COL14A1: variants seen among roughly 807,000 people sequenced by gnomAD.
The protein encoded by COL14A1 is collagen type XIV alpha 1 chain.
In COL14A1, 136 loss-of-function variants were observed where a neutral mutation model predicts 230.3. The observed-to-expected ratio is 0.59, with a 90% confidence interval of 0.51 to 0.68. COL14A1 has a LOEUF of 0.68. COL14A1 is among the 30% of genes least tolerant of loss of function. The pLI is 0.00. For missense variants in COL14A1, 1,976 were observed against 2,215.8 expected (o/e 0.89, Z 2.17); for synonymous variants, 792 against 784.1 (o/e 1.01, Z -0.17).
At chr8:120,236,554 G>C (rs1051037234) in intron 19 of COL14A1, among the ~76,000 whole-genome samples, 1 of 151,926 alleles carries the variant, frequency 6.6e-6, no homozygotes, top group Non-Finnish European at 1.5e-5. Flanking sequence ...CACACCAGTG[G>C]GTCTTGACTT....
rs148268396 is a variant in COL14A1 at position 120,162,713 on chromosome 8, C to T, written c.349+144C>T. Reference sequence around the variant, plus strand: ...AGAAGACCTTCAGTCTTACCTTCAACGAATTCCTCTGATCTCTAATACTTT... The same window carrying T: ...AGAAGACCTTCAGTCTTACCTTCAATGAATTCCTCTGATCTCTAATACTTT... On this transcript the variant is annotated intron_variant, in intron 4 of 47. Transcript: ENST00000297848. 423 of 606,922 alleles carry T rather than the reference C, an allele frequency of 7.0e-4. 5 individuals are homozygous for T. In the African/African-American group the frequency reaches 7.0e-3, roughly 10 times the overall value. The allele number at this position is 606,922 out of a possible 1,614,324, so 37.6% of individuals were successfully genotyped here.
chr8:120,340,775 T>C (rs980114984), intron 42 of COL14A1, among the ~76,000 whole-genome samples: 3 of 152,150 alleles, frequency 2.0e-5, no homozygotes, highest in Admixed American at 1.3e-4. Flanking sequence ...AGCTCCCATA[T>C]TGGGGAGAAT....
At chr8:120,239,851 G>T (rs1349644984) in intron 19 of COL14A1, among the ~76,000 whole-genome samples, 20 of 110,242 alleles carry the variant, frequency 1.8e-4, no homozygotes, top group African/African-American at 7.5e-4. Flanking sequence ...TTGTTTGTTT[G>T]CTTTTTGTTT....
chr8:120,242,699 C>T (rs1365364359), intron 19 of COL14A1, among the ~76,000 whole-genome samples: 4 of 152,144 alleles, frequency 2.6e-5, no homozygotes, highest in Non-Finnish European at 5.9e-5. Context: ...CAATTCAGAC[C>T]TGTACATTTC....
intron 1 of COL14A1, among the ~76,000 whole-genome samples, chr8:120,125,866 C>A (rs1442746941): frequency 6.6e-6 from 1 of 152,146 alleles, no homozygotes; most frequent in Admixed American, 6.5e-5. Context: ...GTTGGCTCTG[C>A]TACAGATTTG....
intron 18 of COL14A1, among the ~76,000 whole-genome samples, chr8:120,230,090 C>T (rs1818222664): frequency 6.6e-6 from 1 of 152,116 alleles, no homozygotes; most frequent in Non-Finnish European, 1.5e-5. Flanking sequence ...CCATATTACC[C>T]AGGCTGGTCT....
chr8:120,146,735 C>T (rs1815100537), intron 1 of COL14A1, among the ~76,000 whole-genome samples: 1 of 152,004 alleles, frequency 6.6e-6, no homozygotes, highest in African/African-American at 2.4e-5. Context: ...AAATTTGGCA[C>T]CGTTATCTGA....
At chr8:120,274,520 AAAG>A (rs1288529758) in intron 26 of COL14A1, among the ~76,000 whole-genome samples, 6 of 151,892 alleles carry the variant, frequency 4.0e-5, no homozygotes, top group Non-Finnish European at 4.4e-5. Context: ...CCAAACTGGA[AAAG>A]AAGAAGTTAA....
chr8:120,304,679 T>C (rs1328845755), intron 36 of COL14A1, among the ~76,000 whole-genome samples: 1 of 152,224 alleles, frequency 6.6e-6, no homozygotes, highest in East Asian at 1.9e-4. Context: ...TGTCTAATTT[T>C]TTAATTTTCT....
rs528324430 is a variant in COL14A1 at position 120,194,729 on chromosome 8, A to G, written c.437-2062A>G. Among the ~76,000 whole-genome samples, 9 of 152,242 alleles carry G rather than the reference A, an allele frequency of 5.9e-5. No individual in the cohort carries two copies. The South Asian group carries it at 1.0e-3, about 18-fold the overall frequency. ...ATCCTATCCACATGGTTCCCAATTA[A>G]TTTATAAGTGAAATAATATCCCCAG... On this transcript the variant is annotated intron_variant, in intron 5 of 47. Transcript: ENST00000297848.
At chr8:120,168,913 T>G (rs1257461144) in intron 5 of COL14A1, among the ~76,000 whole-genome samples, 3 of 152,146 alleles carry the variant, frequency 2.0e-5, no homozygotes, top group African/African-American at 7.2e-5. Context: ...TAGAATTTAG[T>G]GTCACAATCT....
chr8:120,199,596 T>C (rs996834373), intron 8 of COL14A1, 30 bp downstream of exon 8: 32 of 1,595,846 alleles, frequency 2.0e-5, no homozygotes, highest in Non-Finnish European at 2.6e-5. Context: ...TTGTTTCAAC[T>C]AAGGGCATAG....
At chr8:120,204,839 C>T (rs2130740281) in intron 9 of COL14A1, among the ~76,000 whole-genome samples, 1 of 152,254 alleles carries the variant, frequency 6.6e-6, no homozygotes, top group Admixed American at 6.5e-5. Flanking sequence ...GAGAATGGTG[C>T]CTCATTACTC....
intron 38 of COL14A1, among the ~76,000 whole-genome samples, chr8:120,314,763 T>G (rs1451409227): frequency 6.6e-6 from 1 of 152,238 alleles, no homozygotes; most frequent in Non-Finnish European, 1.5e-5. Context: ...CATGCCAATT[T>G]GTGTAATTAC....
chr8:120,136,597 A>T (rs991548336), intron 1 of COL14A1, among the ~76,000 whole-genome samples: 1 of 152,040 alleles, frequency 6.6e-6, no homozygotes, highest in Admixed American at 6.6e-5. Flanking sequence ...TTTGTGAAAG[A>T]TTTTTATATC....
chr8:120,258,473 T>A (rs1819226019), intron 23 of COL14A1, among the ~76,000 whole-genome samples: 3 of 152,080 alleles, frequency 2.0e-5, no homozygotes, highest in Non-Finnish European at 4.4e-5. Context: ...CACCCCTGTA[T>A]CTGGTGGTGG....
intron 6 of COL14A1, 86 bp downstream of exon 6, chr8:120,197,032 C>A: frequency 7.5e-7 from 1 of 1,335,128 alleles, no homozygotes; most frequent in Non-Finnish European, 1.0e-6. Context: ...AAATTCCTTA[C>A]AAAGTGACTT....
At chr8:120,162,615 A>C in intron 4 of COL14A1, 46 bp downstream of exon 4, 1 of 1,496,316 alleles carries the variant, frequency 6.7e-7, no homozygotes, top group Non-Finnish European at 8.9e-7. Flanking sequence ...ACTCTGTCCC[A>C]GCCTTGGATT....
At chr8:120,314,779 A>G (rs1265695671) in intron 38 of COL14A1, among the ~76,000 whole-genome samples, 1 of 152,222 alleles carries the variant, frequency 6.6e-6, no homozygotes, top group Non-Finnish European at 1.5e-5. Context: ...ATTACTACTA[A>G]TAATAAACAT....
Sources: gnomAD v4.1 joint callset for allele counts (sites outside exome capture counted in the v4.1 genomes callset) on GRCh38, gnomAD v4.1.1 for gene constraint, MANE v1.5 for transcripts, NCBI Gene and HGNC (gene_info 2026-07-23, HGNC 2026-07-21) for gene names.